The following TBL3 variants were observed in gnomAD, a reference collection of about 807,000 sequenced individuals.
The protein encoded by TBL3 is transducin beta-like protein 3.
Under a neutral mutation model 102.7 loss-of-function variants are expected in TBL3, and 71 were observed. The ratio of observed to expected loss-of-function variants is 0.69; its 90% CI spans 0.57 to 0.84. The LOEUF is 0.84. TBL3 is among the 40% of genes least tolerant of loss of function. The pLI, the probability that TBL3 is intolerant of heterozygous loss-of-function variation, is 0.00. For missense variants in TBL3, 1,188 were observed against 1,098.5 expected (o/e 1.08, Z -1.15); for synonymous variants, 578 against 477.7 (o/e 1.21, Z -2.74).
At position 1,981,166 on chromosome 16, in the gene TBL3, C is replaced by T. The variant is rs770125564; in HGVS notation, c.*2481C>T. On this transcript the variant is annotated 3_prime_UTR_variant, in exon 22 of 22. Coordinates refer to ENST00000568546, the MANE Select transcript of TBL3 (RefSeq NM_006453.3). The stretch of plus-strand genomic sequence containing the variant: ...TGCCCCTTGCACTGAAACTGGGTAT[C>T]GGGGGCCTGCCATGGCTGTGGCTTC... 10 of 1,613,390 alleles carry T rather than the reference C, an allele frequency of 6.2e-6. No individual in the cohort carries two copies. The highest frequency in any genetic ancestry group is 4.4e-5 in the South Asian group (4 of 91,094).
At chr16:1,978,282 G>A (rs2083421939) in intron 20 of TBL3, 31 bp from the exon 21 acceptor site, 10 of 1,611,154 alleles carry the variant, frequency 6.2e-6, no homozygotes, top group Non-Finnish European at 8.5e-6. Flanking sequence ...AGATTGGCTG[G>A]GCAAGACGAT....
At position 1,980,303 on chromosome 16, in the gene TBL3, C is replaced by G. The variant is rs528002653; in HGVS notation, c.*1618C>G. The G allele has an allele frequency of 2.9e-5, 44 of 1,540,942 alleles. No individual in the cohort carries two copies. In the East Asian group the frequency reaches 3.2e-4, roughly 11 times the overall value. ...CCCCTATTCGCTGGCTGTTCCCCCC[C>G]ACCCTGGACCTCTCCCAGCTCCAAA... On this transcript the variant is annotated 3_prime_UTR_variant, in exon 22 of 22. Transcript: ENST00000568546.
Position 1,978,776 on chromosome 16 carries a change from C to A in TBL3, c.*91C>A. 1 of 1,488,680 alleles carries A rather than the reference C, an allele frequency of 6.7e-7. No individual in the cohort carries two copies. The highest frequency in any genetic ancestry group is 9.1e-7 in the Non-Finnish European group (1 of 1,098,992). The allele number at this position is 1,488,680 out of a possible 1,614,324, so 92.2% of individuals were successfully genotyped here. A position where few individuals can be genotyped will look rare whatever the true frequency, so the allele number is the denominator to read the frequency against. On this transcript the variant is annotated 3_prime_UTR_variant, in exon 22 of 22. Coordinates refer to ENST00000568546, the MANE Select transcript of TBL3 (RefSeq NM_006453.3). Reference sequence around the variant, plus strand: ...CGGCTCTGTCTCTCTGGACTGCAGTCCAGCCCCCCACCCTGGCCAACACCC... The same window carrying A: ...CGGCTCTGTCTCTCTGGACTGCAGTACAGCCCCCCACCCTGGCCAACACCC...
chr16:1,978,694 G>A lies in TBL3; in HGVS notation c.*9G>A. 1 of 1,604,994 alleles carries A rather than the reference G, an allele frequency of 6.2e-7. No homozygotes were observed. Among genetic ancestry groups the A allele is most frequent in the Middle Eastern group, 1.7e-4 (1 of 6,040 alleles). ...AAGGCGCACTGCCCTAGCCGGTCCG[G>A]CCTCTCTCCAGTCCATCCTGAACCC... On this transcript the variant is annotated 3_prime_UTR_variant, in exon 22 of 22. Transcript: ENST00000568546.
chr16:1,981,067 C>G lies in TBL3; in HGVS notation c.*2382C>G. 6.2e-7 allele frequency: 1 copy of G among 1,610,416 alleles called. No individual in the cohort carries two copies. Among genetic ancestry groups the G allele is most frequent in the Admixed American group, 1.7e-5 (1 of 60,022 alleles). The stretch of plus-strand genomic sequence containing the variant: ...TGCCGTGGAGGTGCTGGTCCAGGCA[C>G]CCCCTTCCTATCCCTTGGGGCCACT... On this transcript the variant is annotated 3_prime_UTR_variant, in exon 22 of 22. Coordinates refer to ENST00000568546, the MANE Select transcript of TBL3 (RefSeq NM_006453.3).
In TBL3 at chr16:1,976,239, A is replaced by T. The variant is rs2083400995; in HGVS notation, c.1217A>T (p.Asn406Ile). Reference protein sequence around the residue: ...KDQSVRIWRMNKAGQVMCVAQ... With the variant: ...KDQSVRIWRMIKAGQVMCVAQ... The stretch of plus-strand genomic sequence containing the variant: ...CAGAGCGTCCGTATCTGGAGAATGA[A>T]CAAGGCTGGCCAGGTGATGTGCGTG... Residue 406 changes from asparagine (N) to isoleucine (I), a missense_variant, in exon 13 of 22, where the codon AAC becomes ATC. Coordinates refer to ENST00000568546, the MANE Select transcript of TBL3 (RefSeq NM_006453.3). 6.2e-7 allele frequency: 1 copy of T among 1,614,192 alleles called. No homozygotes were observed. Among genetic ancestry groups the T allele is most frequent in the Non-Finnish European group, 8.5e-7 (1 of 1,180,022 alleles).
rs772462889 is a variant in TBL3, at chr16:1,979,443, C to T, written c.*758C>T. On this transcript the variant is annotated 3_prime_UTR_variant, in exon 22 of 22. Coordinates refer to ENST00000568546, the MANE Select transcript of TBL3 (RefSeq NM_006453.3). ...CGCGTACCTGCATAGCCACCAGCCGCGGTCTGACGTTTCCAACACGCGCAC... is the reference window on the plus strand; with the variant it reads ...CGCGTACCTGCATAGCCACCAGCCGTGGTCTGACGTTTCCAACACGCGCAC... 3.0e-5 allele frequency: 48 copies of T among 1,610,338 alleles called. No homozygotes were observed. Among genetic ancestry groups the T allele is most frequent in the Non-Finnish European group, 3.7e-5 (44 of 1,179,240 alleles).
Position 1,974,220 on chromosome 16 carries a change from C to T in TBL3, c.117C>T (p.Leu39=). ...KAQLDQTGQH[L]FCVCGTRVNI... is the part of the protein sequence containing the mutation. Reference sequence around the variant, plus strand: ...AGCTGGACCAGACTGGCCAGCACCTCTTCTGCGTCTGTGGCACCAGAGTCA... The same window carrying T: ...AGCTGGACCAGACTGGCCAGCACCTTTTCTGCGTCTGTGGCACCAGAGTCA... The change falls in exon 3 of 22, where the codon CTC becomes CTT. Residue 39 remains leucine, a synonymous_variant. Transcript: ENST00000568546. The T allele has an allele frequency of 6.2e-7, 1 of 1,602,102 alleles. No individual in the cohort carries two copies.
chr16:1,974,092 G>A lies in TBL3; in HGVS notation c.78G>A (p.Lys26=). Residue 26 remains lysine, a synonymous_variant, in exon 2 of 22, where the codon AAG becomes AAA. Coordinates refer to ENST00000568546, the MANE Select transcript of TBL3 (RefSeq NM_006453.3). ...AVERKIEPFY[K]GGKAQLDQTG... is the part of the protein sequence containing the mutation. ...AGCGCAAAATTGAGCCTTTCTACAA[G>A]GGCGGAAAAGCACAGGTACCAGCCT... 1 of 1,585,434 alleles carries A rather than the reference G, an allele frequency of 6.3e-7. No homozygotes were observed. Among genetic ancestry groups the A allele is most frequent in the Non-Finnish European group, 8.6e-7 (1 of 1,160,526 alleles).
intron 13 of TBL3, 63 bp from the exon 14 acceptor site, chr16:1,976,751 G>A: frequency 6.3e-7 from 1 of 1,594,374 alleles, no homozygotes; most frequent in African/African-American, 1.3e-5. Context: ...GGCCCTGTGG[G>A]GAGCTGGCCA....
chr16:1,973,967 G>A lies in TBL3; in HGVS notation c.42-89G>A, dbSNP rs999727052. On this transcript the variant is annotated intron_variant, in intron 1 of 21. Coordinates refer to ENST00000568546, the MANE Select transcript of TBL3 (RefSeq NM_006453.3). ...AAACTCAAGGGCAGGGGCCATTGGGGTCACTTGGAGAGGAGCACCTAGCAC... is the reference window on the plus strand; with the variant it reads ...AAACTCAAGGGCAGGGGCCATTGGGATCACTTGGAGAGGAGCACCTAGCAC... 7 of 1,372,398 alleles carry A rather than the reference G, an allele frequency of 5.1e-6. No homozygotes were observed. The African/African-American group carries it at 1.0e-4, about 20-fold the overall frequency. The allele number at this position is 1,372,398 out of a possible 1,614,324, so 85.0% of individuals were successfully genotyped here. A position where few individuals can be genotyped will look rare whatever the true frequency, so the allele number is the denominator to read the frequency against.
At position 1,979,906 on chromosome 16, in the gene TBL3, G is replaced by C; in HGVS notation, c.*1221G>C. On this transcript the variant is annotated 3_prime_UTR_variant, in exon 22 of 22. Coordinates refer to ENST00000568546, the MANE Select transcript of TBL3 (RefSeq NM_006453.3). Reference sequence around the variant, plus strand: ...TTCGTTCTCCACCAGCCACCAGCCTGTGCGCAAGAAGCGGGCAGGGACTCA... The same window carrying C: ...TTCGTTCTCCACCAGCCACCAGCCTCTGCGCAAGAAGCGGGCAGGGACTCA... 6.3e-7 allele frequency: 1 copy of C among 1,581,886 alleles called. No homozygotes were observed. The highest frequency in any genetic ancestry group is 8.6e-7 in the Non-Finnish European group (1 of 1,164,638).
chr16:1,974,088 A>C lies in TBL3; in HGVS notation c.74A>C (p.Tyr25Ser). The C allele has an allele frequency of 2.5e-6, 4 of 1,584,484 alleles. No homozygotes were observed. Among genetic ancestry groups the C allele is most frequent in the Non-Finnish European group, 3.4e-6 (4 of 1,160,078 alleles). The change falls in exon 2 of 22, where the codon TAC (tyrosine) becomes TCC (serine). Residue 25 changes from tyrosine to serine, a missense_variant. Physicochemically the swap from Tyr to Ser is moderately radical, Grantham distance 144. Coordinates refer to ENST00000568546, the MANE Select transcript of TBL3 (RefSeq NM_006453.3). ...YAVERKIEPF[Y>S]KGGKAQLDQT... Reference sequence around the variant, plus strand: ...GTGGAGCGCAAAATTGAGCCTTTCTACAAGGGCGGAAAAGCACAGGTACCA... The same window carrying C: ...GTGGAGCGCAAAATTGAGCCTTTCTCCAAGGGCGGAAAAGCACAGGTACCA...
intron 1 of TBL3, among the ~76,000 whole-genome samples, 181 bp from the exon 2 acceptor site, chr16:1,973,875 G>A (rs114835742): frequency 0.045 from 6,806 of 152,262 alleles, 241 homozygotes; most frequent in African/African-American, 0.088. Context: ...TCTCAGTGAC[G>A]ACGGTAGCTA....
rs1408621404 is a variant in TBL3, at chr16:1,980,971, G to A, written c.*2286G>A. On this transcript the variant is annotated 3_prime_UTR_variant, in exon 22 of 22. Coordinates refer to ENST00000568546, the MANE Select transcript of TBL3 (RefSeq NM_006453.3). ...TGCCTGAATTCGTCCCAACTCCTGC[G>A]CACGAAGGTGTCGCTGCCGTCTGAC... 3 of 1,613,110 alleles carry A rather than the reference G, an allele frequency of 1.9e-6. No individual in the cohort carries two copies. Among genetic ancestry groups the A allele is most frequent in the African/African-American group, 2.7e-5 (2 of 75,072 alleles).
In TBL3 at chr16:1,972,511, C is replaced by T. The variant is rs1185040568; in HGVS notation, c.41+306C>T. 3.9e-5 allele frequency among the ~76,000 whole-genome samples: 6 copies of T among 152,216 alleles called. No individual in the cohort carries two copies. In the South Asian group the frequency reaches 8.3e-4, roughly 21 times the overall value. ...GGGGAGGAGAGGGCTGAGCCTAGGT[C>T]GGGGCTGGTCCCGGGAGGCGGCGGG... On this transcript the variant is annotated intron_variant, in intron 1 of 21. Transcript: ENST00000568546.
chr16:1,979,573 G>A lies in TBL3; in HGVS notation c.*888G>A. 1.3e-6 allele frequency: 2 copies of A among 1,564,972 alleles called. No homozygotes were observed. The highest frequency in any genetic ancestry group is 8.8e-7 in the Non-Finnish European group (1 of 1,142,560). ...GGGAGTGGGTGTTTGGAGTCACCGCGGGGCCACAGAGGACGAGGCCCGCCC... is the reference window on the plus strand; with the variant it reads ...GGGAGTGGGTGTTTGGAGTCACCGCAGGGCCACAGAGGACGAGGCCCGCCC... On this transcript the variant is annotated 3_prime_UTR_variant, in exon 22 of 22. Transcript: ENST00000568546.
rs761773278 is a variant in TBL3, at chr16:1,978,487, C to T, written c.2293+16C>T. On this transcript the variant is annotated intron_variant, in intron 21 of 21. Coordinates refer to ENST00000568546, the MANE Select transcript of TBL3 (RefSeq NM_006453.3). ...CCCTACACTGGTATGTGGGCACAGC[C>T]TGGGGTTGGGGGATCCTGGTGGGCG... is the stretch of plus-strand genomic sequence containing the variant. 1.9e-6 allele frequency: 3 copies of T among 1,592,696 alleles called. No individual in the cohort carries two copies. Among genetic ancestry groups the T allele is most frequent in the Non-Finnish European group, 1.7e-6 (2 of 1,166,960 alleles).
rs1433935280 is a variant in TBL3 at position 1,977,092 on chromosome 16, G to A, written c.1479G>A (p.Leu493=). The A allele has an allele frequency of 6.2e-7, 1 of 1,613,180 alleles. No homozygotes were observed. The highest frequency in any genetic ancestry group is 1.1e-5 in the South Asian group (1 of 91,082). Residue 493 remains leucine (L), a synonymous_variant, in exon 15 of 22, where the codon CTG becomes CTA. Transcript: ENST00000568546. ...NSVAIAPNDK[L]LATGSQDRTA... is the part of the protein sequence containing the mutation. ...TGGCTATTGCCCCCAACGACAAGCT[G>A]CTGGCCACAGGCTCACAGGACCGCA...
Sources: gnomAD v4.1 joint callset for allele counts (sites outside exome capture counted in the v4.1 genomes callset) on GRCh38, gnomAD v4.1.1 for gene constraint, MANE v1.5 for transcripts, NCBI Gene and HGNC (gene_info 2026-07-23, HGNC 2026-07-21) for gene names.